SEL1L2: variants seen among roughly 807,000 people sequenced by gnomAD.
SEL1L2 encodes the protein SEL1L2 adaptor subunit of SYVN1 ubiquitin ligase, also known as protein sel-1 homolog 2.
SEL1L2 carries 89 observed loss-of-function variants against 98.8 expected under a neutral mutation model. The observed-to-expected ratio is 0.90, with a 90% CI of 0.76 to 1.07. The LOEUF is 1.07. SEL1L2 is among the 50% of genes least tolerant of loss of function. The pLI is 0.00. For synonymous variants in SEL1L2, 262 were observed against 278.5 expected, an observed-to-expected ratio of 0.94 and a Z score of 0.59; for missense variants, 788 against 812.0, an observed-to-expected ratio of 0.97 and a Z score of 0.36.
chr20:13,918,594 A>G (rs1205157442), intron 4 of SEL1L2, among the ~76,000 whole-genome samples: 1 of 152,234 alleles, frequency 6.6e-6, no homozygotes, highest in East Asian at 1.9e-4. Context: ...TTCTGGGGAT[A>G]ACATGGAATC....
intron 4 of SEL1L2, among the ~76,000 whole-genome samples, chr20:13,915,920 G>A (rs181158367): frequency 5.3e-4 from 81 of 152,268 alleles, no homozygotes; most frequent in African/African-American, 1.9e-3. Flanking sequence ...GATGGGGGAG[G>A]AAGGGCTCAA....
intron 5 of SEL1L2, among the ~76,000 whole-genome samples, chr20:13,905,434 CT>C (rs1283894963): frequency 1.3e-5 from 2 of 151,798 alleles, no homozygotes; most frequent in Non-Finnish European, 2.9e-5. Flanking sequence ...CCTCAACCTC[CT>C]GAGTAGCTGG....
chr20:13,964,724 C>T (rs1019321616), intron 1 of SEL1L2, among the ~76,000 whole-genome samples: 1 of 151,562 alleles, frequency 6.6e-6, no homozygotes, highest in Non-Finnish European at 1.5e-5. Context: ...AAAGTGCTGG[C>T]GGCCATCTCT....
chr20:13,887,949 A>G lies in SEL1L2; in HGVS notation c.656T>C (p.Met219Thr), dbSNP rs886570738. The change falls in exon 7 of 20, where the codon ATG (methionine) becomes ACG (threonine). Residue 219 changes from methionine to threonine, a missense_variant. By Grantham distance (81) the Met-to-Thr change is moderately conservative. Transcript: ENST00000284951. ...AATATTTTGTTTACAAACCAAAATC[A>G]TCTGGGACATCATGTTTCCTCCAGC... Reference protein sequence around the residue: ...GSAGGNMMSQMILGYRYLSGI... With the variant: ...GSAGGNMMSQTILGYRYLSGI... The G allele has an allele frequency of 6.2e-7, 1 of 1,613,606 alleles. No homozygotes were observed. The highest frequency in any genetic ancestry group is 1.3e-5 in the African/African-American group (1 of 74,916).
chr20:13,974,475 C>CTTTTTT lies in SEL1L2; in HGVS notation c.58+15996_58+16001dup, dbSNP rs11484437. 2.1e-3 allele frequency among the ~76,000 whole-genome samples: 167 copies of CTTTTTT among 80,186 alleles called. 9 individuals carry two copies. The highest frequency in any genetic ancestry group is 5.8e-3 in the African/African-American group (115 of 19,934). 52.6% of individuals were successfully genotyped at this position (80,186 alleles called of 152,430 possible). Reference sequence around the variant, plus strand: ...TTTTTTTCCTTTTCTCTCTCTCTCTCTTTTTTTTTTTTTTTTTTTTTGAGA... The same window carrying CTTTTTT: ...TTTTTTTCCTTTTCTCTCTCTCTCTCTTTTTTTTTTTTTTTTTTTTTTTTTTTGAGA... On this transcript the variant is annotated intron_variant, in intron 1 of 19. Transcript: ENST00000284951.
intron 3 of SEL1L2, among the ~76,000 whole-genome samples, chr20:13,930,399 G>T (rs942476498): frequency 3.3e-5 from 5 of 152,236 alleles, no homozygotes; most frequent in Admixed American, 3.3e-4. Flanking sequence ...GGGCCATGGG[G>T]TGGTAATGCC....
At chr20:13,913,524 A>C in intron 5 of SEL1L2, 1 of 315,856 alleles carries the variant, frequency 3.2e-6, no homozygotes, top group African/African-American at 2.1e-5. Flanking sequence ...TCATGCAAAC[A>C]TGTCACCCTA....
upstream of SEL1L2, among the ~76,000 whole-genome samples, chr20:13,993,674 G>A (rs543094026): frequency 2.6e-5 from 4 of 152,284 alleles, no homozygotes; most frequent in Non-Finnish European, 5.9e-5. Flanking sequence ...AAGGTGTCTA[G>A]TATGATGTAC....
intron 5 of SEL1L2, among the ~76,000 whole-genome samples, chr20:13,894,608 A>G (rs1568919161): frequency 6.6e-6 from 1 of 152,194 alleles, no homozygotes; most frequent in African/African-American, 2.4e-5. Flanking sequence ...GCAAACCTTT[A>G]GCTAGATCAA....
rs1477465543 is a variant in SEL1L2, at chr20:13,917,834, G to A, written c.386+1187C>T. Among the ~76,000 whole-genome samples, 4 of 102,070 alleles carry A rather than the reference G, an allele frequency of 3.9e-5. No homozygotes were observed. In the Admixed American group the frequency reaches 6.3e-4, roughly 16 times the overall value. 67.0% of individuals were successfully genotyped at this position (102,070 alleles called of 152,430 possible). On this transcript the variant is annotated intron_variant, in intron 4 of 19. Coordinates refer to ENST00000284951, the MANE Select transcript of SEL1L2 (RefSeq NM_025229.2). Reference sequence around the variant, plus strand: ...TTTTTTTGAGATGGAGTCTGGCTTTGTCACCCAGAGGCTAGAGTGTTATTG... The same window carrying A: ...TTTTTTTGAGATGGAGTCTGGCTTTATCACCCAGAGGCTAGAGTGTTATTG...
chr20:13,917,627 G>C (rs1407433478), intron 4 of SEL1L2, among the ~76,000 whole-genome samples: 1 of 151,968 alleles, frequency 6.6e-6, no homozygotes, highest in African/African-American at 2.4e-5. Flanking sequence ...TCAAAGGTTT[G>C]GGTTTTAAGA....
chr20:13,939,040 G>GTTTTTTTTTTT (rs386365633), intron 2 of SEL1L2, among the ~76,000 whole-genome samples: 10 of 114,082 alleles, frequency 8.8e-5, no homozygotes, highest in African/African-American at 2.4e-4. Context: ...TGCTTGTTTT[G>GTTTTTTTTTTT]TTTTTTTTTT....
intron 12 of SEL1L2, among the ~76,000 whole-genome samples, chr20:13,874,920 C>T (rs540081183): frequency 2.6e-5 from 4 of 152,246 alleles, no homozygotes; most frequent in South Asian, 4.2e-4. Context: ...CAAGGCCATT[C>T]GCCAAGAGCA....
chr20:13,899,105 T>G (rs2047556259), intron 5 of SEL1L2, among the ~76,000 whole-genome samples: 1 of 152,220 alleles, frequency 6.6e-6, no homozygotes, highest in South Asian at 2.1e-4. Context: ...ACTAACCCAT[T>G]GTTTTTTAAA....
intron 2 of SEL1L2, among the ~76,000 whole-genome samples, chr20:13,954,786 A>G (rs1002161157): frequency 3.3e-5 from 5 of 152,136 alleles, no homozygotes; most frequent in Non-Finnish European, 7.3e-5. Context: ...CTGACTTGCA[A>G]GATGCCAAGA....
intron 17 of SEL1L2, among the ~76,000 whole-genome samples, chr20:13,863,216 T>C (rs1990450722): frequency 6.6e-6 from 1 of 152,122 alleles, no homozygotes; most frequent in Non-Finnish European, 1.5e-5. Flanking sequence ...ACCCTAAGAT[T>C]CCTCCTGGGC....
intron 2 of SEL1L2, among the ~76,000 whole-genome samples, chr20:13,944,018 G>T (rs1428495599): frequency 1.3e-5 from 2 of 152,136 alleles, no homozygotes; most frequent in East Asian, 3.9e-4. Context: ...ATCCAGAAAT[G>T]GCAGCTCGGT....
At chr20:13,940,324 G>A in intron 2 of SEL1L2, among the ~76,000 whole-genome samples, 1 of 152,206 alleles carries the variant, frequency 6.6e-6, no homozygotes, top group East Asian at 1.9e-4. Context: ...GTTCTGCAAA[G>A]TTATGAAGGC....
intron 19 of SEL1L2, among the ~76,000 whole-genome samples, chr20:13,849,842 G>A (rs1180460803): frequency 1.3e-5 from 2 of 152,126 alleles, no homozygotes; most frequent in South Asian, 2.1e-4. Flanking sequence ...GTAGCTGTTT[G>A]TGGTATCCCT....
Sources: allele counts gnomAD v4.1 joint callset (sites outside exome capture counted in the v4.1 genomes callset), GRCh38; gene constraint gnomAD v4.1.1; transcripts MANE v1.5; gene names NCBI Gene and HGNC (gene_info 2026-07-23, HGNC 2026-07-21).